The following CSGALNACT1 variants were observed in gnomAD, a reference collection of about 807,000 sequenced individuals.
CSGALNACT1 encodes beta4GalNAcT-1.
CSGALNACT1 carries 52 observed loss-of-function variants against 51.0 expected under a neutral mutation model. That is an observed-to-expected ratio of 1.02 (90% CI 0.82 to 1.29). The LOEUF (loss-of-function observed/expected upper bound fraction) is 1.29, where lower values mean the gene tolerates loss of function less well. Ranked by LOEUF, CSGALNACT1 falls within the 50% of genes most tolerant of loss-of-function variation. CSGALNACT1 has a pLI of 0.00. For synonymous variants in CSGALNACT1, 341 were observed against 254.4 expected, an observed-to-expected ratio of 1.34 and a Z score of -3.24; for missense variants, 935 against 679.2, an observed-to-expected ratio of 1.38 and a Z score of -4.19.
At position 19,447,764 on chromosome 8, in the gene CSGALNACT1, G is replaced by A. The variant is rs550800693; in HGVS notation, c.852-7833C>T. On this transcript the variant is annotated intron_variant, in intron 5 of 9. Transcript: ENST00000454498. ...ACTGACTTGTCAGAGAGGGAGTGTG[G>A]TTGTCAAAGTGATGCACACCCCTAG... Among the ~76,000 whole-genome samples, 6 of 152,294 alleles carry A rather than the reference G, an allele frequency of 3.9e-5. No homozygotes were observed. In the East Asian group the frequency reaches 1.2e-3, roughly 29 times the overall value.
intron 5 of CSGALNACT1, among the ~76,000 whole-genome samples, chr8:19,441,959 A>G (rs1230374249): frequency 6.6e-6 from 1 of 152,270 alleles, no homozygotes; most frequent in Admixed American, 6.5e-5. Flanking sequence ...CCAAAAACAC[A>G]TGAAAAAATG....
chr8:19,637,960 G>A (rs1159597515), intron 1 of CSGALNACT1, among the ~76,000 whole-genome samples: 1 of 152,086 alleles, frequency 6.6e-6, no homozygotes, highest in African/African-American at 2.4e-5. Context: ...CAGATCTCAG[G>A]TCGAAAGTGC....
intron 4 of CSGALNACT1, among the ~76,000 whole-genome samples, chr8:19,477,381 A>T (rs992687486): frequency 1.3e-5 from 2 of 152,226 alleles, no homozygotes; most frequent in Non-Finnish European, 2.9e-5. Context: ...CACACAACTG[A>T]GCACGGCTAT....
upstream of CSGALNACT1, chr8:19,682,805 C>T (rs1160590553): frequency 4.4e-6 from 2 of 451,848 alleles, no homozygotes; most frequent in Non-Finnish European, 8.9e-6. Flanking sequence ...CCTTTCCGGC[C>T]AGCACAGATA....
rs1189266546 is a variant in CSGALNACT1, at chr8:19,537,348, G to A, written c.-296-31218C>T. Among the ~76,000 whole-genome samples, 12 of 152,104 alleles carry A rather than the reference G, an allele frequency of 7.9e-5. 1 individual carries two copies. Among genetic ancestry groups the A allele is most frequent in the African/African-American group, 1.4e-4 (6 of 41,396 alleles). ...GACTCACAGAGGGTGTGCAGTAAAC[G>A]GTCTTCGTGGCTTCAGAGGGCTGAA... On this transcript the variant is annotated intron_variant, in intron 3 of 9. Coordinates refer to ENST00000454498, the Ensembl canonical transcript of CSGALNACT1.
chr8:19,670,074 C>G (rs2059674123), intron 1 of CSGALNACT1, among the ~76,000 whole-genome samples: 1 of 152,178 alleles, frequency 6.6e-6, no homozygotes, highest in East Asian at 1.9e-4. Context: ...AGTTCATTGC[C>G]ATGTCCCCTA....
intron 1 of CSGALNACT1, among the ~76,000 whole-genome samples, chr8:19,634,344 G>A (rs369604847): frequency 1.1e-4 from 16 of 152,232 alleles, no homozygotes; most frequent in South Asian, 6.2e-4. Flanking sequence ...TGGGATGTTC[G>A]TGATGGGATT....
intron 3 of CSGALNACT1, among the ~76,000 whole-genome samples, chr8:19,515,903 G>C (rs1490859003): frequency 6.6e-6 from 1 of 152,012 alleles, no homozygotes; most frequent in South Asian, 2.1e-4. Flanking sequence ...GTGCAATGAG[G>C]GCAGGACACT....
chr8:19,517,277 C>A (rs1479827842), intron 3 of CSGALNACT1, among the ~76,000 whole-genome samples: 5 of 152,034 alleles, frequency 3.3e-5, no homozygotes, highest in African/African-American at 1.2e-4. Flanking sequence ...ACCATCTCTA[C>A]TAAAAATACA....
intron 2 of CSGALNACT1, among the ~76,000 whole-genome samples, chr8:19,592,620 G>T (rs2048069103): frequency 6.6e-6 from 1 of 152,084 alleles, no homozygotes; most frequent in African/African-American, 2.4e-5. Flanking sequence ...CAGATGTAGT[G>T]GTACACACCT....
intron 1 of CSGALNACT1, among the ~76,000 whole-genome samples, chr8:19,659,206 T>C (rs1039308006): frequency 6.6e-6 from 1 of 152,204 alleles, no homozygotes; most frequent in Non-Finnish European, 1.5e-5. Context: ...AAGCTCAGTA[T>C]ACGTAGCATT....
intron 1 of CSGALNACT1, among the ~76,000 whole-genome samples, chr8:19,729,386 A>C (rs1354676499): frequency 6.6e-6 from 1 of 152,114 alleles, no homozygotes; most frequent in East Asian, 1.9e-4. Context: ...TCATTCCTCT[A>C]AGGGTAGAAT....
chr8:19,626,808 G>A (rs1039486413), intron 1 of CSGALNACT1, among the ~76,000 whole-genome samples: 1 of 152,154 alleles, frequency 6.6e-6, no homozygotes, highest in African/African-American at 2.4e-5. Flanking sequence ...TGGTGAGTAA[G>A]TACATCCTTA....
At chr8:19,644,326 T>C (rs2057040005) in intron 1 of CSGALNACT1, among the ~76,000 whole-genome samples, 1 of 151,760 alleles carries the variant, frequency 6.6e-6, no homozygotes, top group Admixed American at 6.6e-5. Context: ...CCATAATTAG[T>C]ATATTTCTTT....
intron 3 of CSGALNACT1, among the ~76,000 whole-genome samples, chr8:19,548,851 G>A (rs936241642): frequency 1.2e-4 from 18 of 152,088 alleles, no homozygotes; most frequent in African/African-American, 3.9e-4. Flanking sequence ...AGAGGTCCTT[G>A]CCCTTTTGCC....
intron 1 of CSGALNACT1, among the ~76,000 whole-genome samples, chr8:19,724,883 G>A (rs2063311484): frequency 6.6e-6 from 1 of 152,130 alleles, no homozygotes; most frequent in Non-Finnish European, 1.5e-5. Context: ...TGTGCTTGGT[G>A]GCCCCGCATT....
intron 1 of CSGALNACT1, among the ~76,000 whole-genome samples, chr8:19,617,881 T>A (rs1296755433): frequency 6.6e-6 from 1 of 152,188 alleles, no homozygotes; most frequent in African/African-American, 2.4e-5. Flanking sequence ...TATTCCTATA[T>A]GCTTTTTTAT....
intron 4 of CSGALNACT1, among the ~76,000 whole-genome samples, chr8:19,478,338 C>T (rs187161474): frequency 1.7e-4 from 26 of 149,814 alleles, no homozygotes; most frequent in African/African-American, 6.0e-4. Flanking sequence ...GGCCTCAACC[C>T]AGGAGGCGGA....
intron 8 of CSGALNACT1, among the ~76,000 whole-genome samples, chr8:19,411,308 C>T (rs1404872465): frequency 6.6e-6 from 1 of 152,238 alleles, no homozygotes; most frequent in Non-Finnish European, 1.5e-5. Flanking sequence ...GTTGATGCAT[C>T]TGCTTCTCTG....
Sources: gnomAD v4.1 joint callset for allele counts (sites outside exome capture counted in the v4.1 genomes callset) on GRCh38, gnomAD v4.1.1 for gene constraint, MANE v1.5 for transcripts, NCBI Gene and HGNC (gene_info 2026-07-23, HGNC 2026-07-21) for gene names.